The following AGAP1 variants were observed in gnomAD, a reference collection of about 807,000 sequenced individuals.
The protein encoded by AGAP1 is arf-GAP with GTPase, ANK repeat and PH domain-containing protein 1.
In AGAP1, 29 loss-of-function variants were observed where a neutral mutation model predicts 105.3. The observed-to-expected ratio is 0.28, with a 90% CI of 0.21 to 0.38. The LOEUF is 0.38. Among genes scored for constraint, AGAP1 ranks in the 10% least tolerant of loss-of-function variants. The probability of loss-of-function intolerance (pLI) is 1.00; values close to 1 mark genes in which losing one functional copy is unlikely to be tolerated. For synonymous variants in AGAP1, 509 were observed against 485.9 expected, an observed-to-expected ratio of 1.05 and a Z score of -0.63; for missense variants, 998 against 1,165.1, an observed-to-expected ratio of 0.86 and a Z score of 2.09.
intron 11 of AGAP1, among the ~76,000 whole-genome samples, chr2:235,910,288 AGGGG>A (rs2051539211): frequency 1.1e-4 from 1 of 8,762 alleles, no homozygotes; most frequent in African/African-American, 7.3e-4. Flanking sequence ...CCTGTGTTGC[AGGGG>A]GGCGGTGTCA....
At position 235,973,910 on chromosome 2, in the gene AGAP1, A is replaced by G. The variant is rs2125373725; in HGVS notation, c.1645+5287A>G. Among the ~76,000 whole-genome samples the G allele has an allele frequency of 1.3e-5, 2 of 152,268 alleles. 1 individual carries two copies. The highest frequency in any genetic ancestry group is 4.1e-4 in the South Asian group (2 of 4,820). On this transcript the variant is annotated intron_variant, in intron 13 of 17. Transcript: ENST00000304032. The surrounding 1 kb of genome is among the most constrained non-coding windows in gnomAD (Gnocchi z 4.7). ...ATGTGCCAGGGAAAAGCGCCTGGGC[A>G]GTGGGATTTTGCAGATCTTTAATGG... is the stretch of plus-strand genomic sequence containing the variant.
At chr2:235,644,883 T>A (rs1481326714) in intron 1 of AGAP1, among the ~76,000 whole-genome samples, 3 of 152,052 alleles carry the variant, frequency 2.0e-5, no homozygotes, top group Non-Finnish European at 2.9e-5. Flanking sequence ...GCAACAGCAA[T>A]CAAGGTGTAA....
Position 236,050,900 on chromosome 2 carries a change from A to T in AGAP1, c.2114+1619A>T, listed in dbSNP as rs971098258. On this transcript the variant is annotated intron_variant, in intron 16 of 17. Transcript: ENST00000304032. This position sits in a 1 kb window ranked among gnomAD's most constrained non-coding sequence, Gnocchi z 4.0. ...GTTTTATAATTTCATCTTCATTCAT[A>T]AATGAAGATTGTGTGTGCACAGGTA... Among the ~76,000 whole-genome samples, 1 of 152,266 alleles carries T rather than the reference A, an allele frequency of 6.6e-6. No homozygotes were observed. The highest frequency in any genetic ancestry group is 1.5e-5 in the Non-Finnish European group (1 of 68,056).
In AGAP1 at chr2:235,936,981, A is replaced by G. The variant is rs1021409156; in HGVS notation, c.1483+6058A>G. ...CGCATGCTTAGTACTAAAACATTGT[A>G]TCATAAAAATTGTTTGTCTTTTGAT... On this transcript the variant is annotated intron_variant, in intron 12 of 17. Transcript: ENST00000304032. The surrounding 1 kb of genome is among the most constrained non-coding windows in gnomAD (Gnocchi z 4.7). Among the ~76,000 whole-genome samples, 8 of 151,988 alleles carry G rather than the reference A, an allele frequency of 5.3e-5. No homozygotes were observed. The East Asian group carries it at 1.5e-3, about 29-fold the overall frequency.
At chr2:235,632,590 T>G (rs2149290361) in intron 1 of AGAP1, among the ~76,000 whole-genome samples, 1 of 152,354 alleles carries the variant, frequency 6.6e-6, no homozygotes, top group African/African-American at 2.4e-5. Flanking sequence ...CTTTCTTTGC[T>G]GAAATCGGGC....
rs2058099101 is a variant in AGAP1, at chr2:236,058,199, C to G, written c.2114+8918C>G. 6.6e-6 allele frequency among the ~76,000 whole-genome samples: 1 copy of G among 152,132 alleles called. No homozygotes were observed. The highest frequency in any genetic ancestry group is 1.5e-5 in the Non-Finnish European group (1 of 68,032). The stretch of plus-strand genomic sequence containing the variant: ...TGCACTAAGTAGTAAAAATAAAAGT[C>G]CACAATCTTGCCTGTGAACTCACTG... On this transcript the variant is annotated intron_variant, in intron 16 of 17. Transcript: ENST00000304032. The surrounding 1 kb of genome is among the most constrained non-coding windows in gnomAD (Gnocchi z 4.6).
chr2:236,015,866 G>A (rs900641646), intron 13 of AGAP1, among the ~76,000 whole-genome samples: 2 of 152,134 alleles, frequency 1.3e-5, no homozygotes, highest in African/African-American at 4.8e-5. Flanking sequence ...CGATTGCCAA[G>A]CAATGGCATT....
At position 235,582,062 on chromosome 2, in the gene AGAP1, C is replaced by T. The variant is rs971830458; in HGVS notation, c.163+87213C>T. 6.6e-6 allele frequency among the ~76,000 whole-genome samples: 1 copy of T among 152,190 alleles called. No individual in the cohort carries two copies. Among genetic ancestry groups the T allele is most frequent in the Non-Finnish European group, 1.5e-5 (1 of 68,038 alleles). ...CTTTAGGAGACATGAAATGTTCCTT[C>T]CATCCAGGGAAGACGTGATTGCAGC... On this transcript the variant is annotated intron_variant, in intron 1 of 17. Transcript: ENST00000304032. This position sits in a 1 kb window ranked among gnomAD's most constrained non-coding sequence, Gnocchi z 4.7.
intron 1 of AGAP1, among the ~76,000 whole-genome samples, chr2:235,644,778 G>C (rs116250887): frequency 1.1e-3 from 165 of 152,240 alleles, no homozygotes; most frequent in African/African-American, 3.9e-3. Context: ...GGGAACCCCT[G>C]TTACTGATGT....
At position 235,574,160 on chromosome 2, in the gene AGAP1, G is replaced by T. The variant is rs1944660799; in HGVS notation, c.163+79311G>T. 6.6e-6 allele frequency among the ~76,000 whole-genome samples: 1 copy of T among 152,210 alleles called. No homozygotes were observed. Among genetic ancestry groups the T allele is most frequent in the African/African-American group, 2.4e-5 (1 of 41,444 alleles). On this transcript the variant is annotated intron_variant, in intron 1 of 17. Coordinates refer to ENST00000304032, the MANE Select transcript of AGAP1 (RefSeq NM_001037131.3). The surrounding 1 kb of genome is among the most constrained non-coding windows in gnomAD (Gnocchi z 5.0). The stretch of plus-strand genomic sequence containing the variant: ...ATTAGCAGCACTCAGGCCCAGCTGG[G>T]CATTCAGCTGTGACTGCATTCTGGC...
rs143054767 is a variant in AGAP1, at chr2:235,845,544, G to A, written c.1051-37801G>A. Among the ~76,000 whole-genome samples the A allele has an allele frequency of 3.3e-5, 5 of 152,008 alleles. No homozygotes were observed. The highest frequency in any genetic ancestry group is 2.1e-4 in the South Asian group (1 of 4,790). On this transcript the variant is annotated intron_variant, in intron 9 of 17. Coordinates refer to ENST00000304032, the MANE Select transcript of AGAP1 (RefSeq NM_001037131.3). This position sits in a 1 kb window ranked among gnomAD's most constrained non-coding sequence, Gnocchi z 4.8. ...ACCACTATCCACCGACAGCCCAGCC[G>A]GTCGACAGCAGACCTTTCCTTCCAG...
intron 9 of AGAP1, among the ~76,000 whole-genome samples, chr2:235,834,515 C>T (rs919494479): frequency 2.6e-5 from 4 of 152,234 alleles, no homozygotes; most frequent in African/African-American, 9.6e-5. Flanking sequence ...GAGCCCTGTC[C>T]TCCTCTGCAG....
Position 235,517,941 on chromosome 2 carries a change from A to AG in AGAP1, c.163+23092_163+23093insG. On this transcript the variant is annotated intron_variant, in intron 1 of 17. Transcript: ENST00000304032. This position sits in a 1 kb window ranked among gnomAD's most constrained non-coding sequence, Gnocchi z 4.1. ...GAGTGAGACTCCGTTTCAAAAAAAA[A>AG]AAAAAAGAAAAAAAAAAGGTAGAAC... is the stretch of plus-strand genomic sequence containing the variant. Among the ~76,000 whole-genome samples the AG allele has an allele frequency of 9.7e-6, 1 of 102,616 alleles. No individual in the cohort carries two copies. Among genetic ancestry groups the AG allele is most frequent in the Admixed American group, 1.2e-4 (1 of 8,492 alleles). The allele number at this position is 102,616 out of a possible 152,430, so 67.3% of individuals were successfully genotyped here.
At position 236,051,473 on chromosome 2, in the gene AGAP1, TTCCCAG is replaced by T. The variant is rs1253062858; in HGVS notation, c.2114+2193_2114+2198del. On this transcript the variant is annotated intron_variant, in intron 16 of 17. Coordinates refer to ENST00000304032, the MANE Select transcript of AGAP1 (RefSeq NM_001037131.3). This position sits in a 1 kb window ranked among gnomAD's most constrained non-coding sequence, Gnocchi z 5.9. ...AGCTGGACTCTGAAATAGGGGGTGA[TTCCCAG>T]GGCCAGGGCCAGGGGACCAGGTGGG... 2.0e-5 allele frequency among the ~76,000 whole-genome samples: 3 copies of T among 151,850 alleles called. No homozygotes were observed. The highest frequency in any genetic ancestry group is 2.1e-4 in the South Asian group (1 of 4,788).
intron 9 of AGAP1, among the ~76,000 whole-genome samples, chr2:235,815,712 TTAGA>T (rs1425822357): frequency 2.0e-5 from 3 of 152,296 alleles, no homozygotes; most frequent in African/African-American, 7.2e-5. Flanking sequence ...GCCGCATGCG[TTAGA>T]TAGGAAGCAT....
chr2:236,024,684 A>T (rs1349393036), intron 13 of AGAP1, among the ~76,000 whole-genome samples: 3 of 152,214 alleles, frequency 2.0e-5, no homozygotes. Flanking sequence ...TCATGTAATG[A>T]GGAGGGATTC....
intron 1 of AGAP1, among the ~76,000 whole-genome samples, chr2:235,500,742 G>A (rs894779506): frequency 6.6e-6 from 1 of 152,182 alleles, no homozygotes; most frequent in African/African-American, 2.4e-5. Flanking sequence ...GCTGGGTGAG[G>A]GGCCTGTCGT....
At position 235,740,817 on chromosome 2, in the gene AGAP1, C is replaced by T. The variant is rs1952535281; in HGVS notation, c.311-146C>T. On this transcript the variant is annotated intron_variant, in intron 3 of 17. Coordinates refer to ENST00000304032, the MANE Select transcript of AGAP1 (RefSeq NM_001037131.3). This position sits in a 1 kb window ranked among gnomAD's most constrained non-coding sequence, Gnocchi z 5.7. The stretch of plus-strand genomic sequence containing the variant: ...ATCTGAGTTCGGCTCTGTTAAAATT[C>T]AGCATTTGCTGGCAACATCCTAAAT... 1 of 837,544 alleles carries T rather than the reference C, an allele frequency of 1.2e-6. No homozygotes were observed. Among genetic ancestry groups the T allele is most frequent in the South Asian group, 2.0e-5 (1 of 48,918 alleles). The allele number at this position is 837,544 out of a possible 1,614,324, so 51.9% of individuals were successfully genotyped here.
chr2:235,765,454 A>G (rs921349877), intron 6 of AGAP1, among the ~76,000 whole-genome samples: 3 of 152,082 alleles, frequency 2.0e-5, no homozygotes, highest in African/African-American at 7.2e-5. Flanking sequence ...TCGAACATGT[A>G]AATTAATCAG....
Sources: allele counts gnomAD v4.1 joint callset (sites outside exome capture counted in the v4.1 genomes callset), GRCh38; gene constraint gnomAD v4.1.1; non-coding constraint Gnocchi (gnomAD v3.1); transcripts MANE v1.5; gene names NCBI Gene and HGNC (gene_info 2026-07-23, HGNC 2026-07-21).